The following N4BP2L2 variants were observed in gnomAD, a reference collection of about 807,000 sequenced individuals.
N4BP2L2 encodes the protein NEDD4-binding protein 2-like 2.
Under a neutral mutation model 56.2 loss-of-function variants are expected in N4BP2L2, and 50 were observed. The ratio of observed to expected loss-of-function variants is 0.89; its 90% CI spans 0.71 to 1.13. N4BP2L2 has a LOEUF of 1.13. Among genes scored for constraint, N4BP2L2 ranks in the 50% most tolerant of loss-of-function variants. N4BP2L2 has a pLI of 0.00. For missense variants in N4BP2L2, 689 were observed against 693.8 expected (o/e 0.99, Z 0.08); for synonymous variants, 203 against 223.6 (o/e 0.91, Z 0.82).
At chr13:32,494,214 C>T (rs2087899475) in intron 6 of N4BP2L2, among the ~76,000 whole-genome samples, 2 of 151,892 alleles carry the variant, frequency 1.3e-5, no homozygotes, top group Admixed American at 6.6e-5. Flanking sequence ...ACCTGGGAGG[C>T]GGAGGTTGCA....
rs567922461 is a variant in N4BP2L2, at chr13:32,433,292, C to T, written c.*22-320G>A. Among the ~76,000 whole-genome samples, 7 of 152,348 alleles carry T rather than the reference C, an allele frequency of 4.6e-5. No individual in the cohort carries two copies. In the South Asian group the frequency reaches 1.2e-3, roughly 27 times the overall value. On this transcript the variant is annotated intron_variant, in intron 9 of 9. Transcript: ENST00000357505. Reference sequence around the variant, plus strand: ...ACATGTTTACTGGGCCAATATGTTCCTCTCCTAAAGAACACAATTTCTATT... The same window carrying T: ...ACATGTTTACTGGGCCAATATGTTCTTCTCCTAAAGAACACAATTTCTATT...
At position 32,537,994 on chromosome 13, in the gene N4BP2L2, C is replaced by A. The variant is rs2056981980; in HGVS notation, c.-1+624G>T. On this transcript the variant is annotated intron_variant, in intron 1 of 5. Transcript: ENST00000267068. Reference sequence around the variant, plus strand: ...CTGCGGTGGGAGGATCGCTTGAACCCGGGGGGGGCGGAGGTTGTGGTGAGC... The same window carrying A: ...CTGCGGTGGGAGGATCGCTTGAACCAGGGGGGGGCGGAGGTTGTGGTGAGC... Among the ~76,000 whole-genome samples, 3 of 136,302 alleles carry A rather than the reference C, an allele frequency of 2.2e-5. No individual in the cohort carries two copies. In the Admixed American group the frequency reaches 2.5e-4, roughly 11 times the overall value. The allele number at this position is 136,302 out of a possible 152,430, so 89.4% of individuals were successfully genotyped here.
At chr13:32,448,733 G>A (rs1307545231) in intron 6 of N4BP2L2, among the ~76,000 whole-genome samples, 1 of 151,694 alleles carries the variant, frequency 6.6e-6, no homozygotes, top group Non-Finnish European at 1.5e-5. Flanking sequence ...ATTAAGGGGG[G>A]GCCAGAAAAA....
intron 6 of N4BP2L2, among the ~76,000 whole-genome samples, chr13:32,471,515 G>A (rs1282984587): frequency 6.6e-6 from 1 of 152,248 alleles, no homozygotes; most frequent in Non-Finnish European, 1.5e-5. Flanking sequence ...CGCACCCGAA[G>A]AAAGACAGAG....
At chr13:32,501,553 G>A (rs28584447) in intron 6 of N4BP2L2, among the ~76,000 whole-genome samples, 8,721 of 151,974 alleles carry the variant, frequency 0.057, 851 homozygotes, top group African/African-American at 0.2. Flanking sequence ...GGTGGCTCAC[G>A]CCTGTAATCC....
chr13:32,460,652 T>C (rs2079870259), intron 6 of N4BP2L2, among the ~76,000 whole-genome samples: 1 of 152,064 alleles, frequency 6.6e-6, no homozygotes, highest in Non-Finnish European at 1.5e-5. Context: ...AAAATGAACA[T>C]ACTACCCAAA....
At chr13:32,504,924 A>G (rs921826011) in intron 6 of N4BP2L2, 1 of 152,252 alleles carries the variant, frequency 6.6e-6, no homozygotes, top group African/African-American at 2.4e-5. Flanking sequence ...AGCAGGTCTG[A>G]AACGTATAAA....
At chr13:32,434,139 C>T (rs1455409549) in intron 9 of N4BP2L2, among the ~76,000 whole-genome samples, 3 of 150,924 alleles carry the variant, frequency 2.0e-5, no homozygotes, top group African/African-American at 7.3e-5. Flanking sequence ...TGCAGTGGTG[C>T]GATCTCAGCT....
exon 2 of N4BP2L2, chr13:32,536,571 C>T: frequency 1.2e-6 from 2 of 1,613,738 alleles, no homozygotes; most frequent in South Asian, 1.1e-5. Context: ...TTTTGTCCTC[C>T]TCTGTCATTT....
At chr13:32,522,957 T>C (rs1363346247) in intron 3 of N4BP2L2, 1 of 152,238 alleles carries the variant, frequency 6.6e-6, no homozygotes, top group Non-Finnish European at 1.5e-5. Context: ...ATATGCCAAG[T>C]AGCTAAAAAT....
chr13:32,482,757 G>A (rs2085035757), intron 6 of N4BP2L2, among the ~76,000 whole-genome samples: 1 of 152,054 alleles, frequency 6.6e-6, no homozygotes, highest in Admixed American at 6.6e-5. Flanking sequence ...GAGAATAACA[G>A]GAAAGATTAC....
intron 6 of N4BP2L2, chr13:32,477,470 C>A (rs1000277887): frequency 5.5e-6 from 1 of 182,746 alleles, no homozygotes; most frequent in Admixed American, 5.6e-5. Flanking sequence ...ATTTCAGGGA[C>A]CAAAGAGGTT....
At chr13:32,436,301 T>C in intron 9 of N4BP2L2, 2 of 820,948 alleles carry the variant, frequency 2.4e-6, no homozygotes, top group African/African-American at 1.8e-5. Flanking sequence ...TACAAACAAA[T>C]AATGTCAAGA....
exon 1 of N4BP2L2, chr13:32,538,721 G>A (rs910644782): frequency 2.1e-5 from 21 of 985,424 alleles, no homozygotes; most frequent in Non-Finnish European, 2.5e-5. Flanking sequence ...CAGCACTAAA[G>A]CCGAGGTCTG....
Position 32,520,517 on chromosome 13 carries a change from GGA to G in N4BP2L2, c.1550+854_1550+855del, listed in dbSNP as rs575334084. On this transcript the variant is annotated intron_variant, in intron 5 of 5. Coordinates refer to ENST00000267068, the Ensembl canonical transcript of N4BP2L2. The stretch of plus-strand genomic sequence containing the variant: ...ACTAAAAATACAAAAAAATTAGCCG[GGA>G]GTGGTGGCCAGCACCTATAGTCCCA... Among the ~76,000 whole-genome samples, 355 of 152,076 alleles carry G rather than the reference GGA, an allele frequency of 2.3e-3. 2 individuals are homozygous for G. The highest frequency in any genetic ancestry group is 8.3e-3 in the African/African-American group (344 of 41,472).
chr13:32,467,511 C>T (rs939340204), intron 6 of N4BP2L2, among the ~76,000 whole-genome samples: 1 of 150,772 alleles, frequency 6.6e-6, no homozygotes, highest in African/African-American at 2.4e-5. Context: ...CTCCTGACCT[C>T]AAGTGATCTG....
chr13:32,511,539 T>C (rs1253634725), exon 6 of N4BP2L2: 1 of 152,208 alleles, frequency 6.6e-6, no homozygotes, highest in African/African-American at 2.4e-5. Context: ...TAGATTTTTA[T>C]AAATCTTTCC....
chr13:32,522,804 G>C (rs1276811195), intron 3 of N4BP2L2: 1 of 152,106 alleles, frequency 6.6e-6, no homozygotes, highest in Non-Finnish European at 1.5e-5. Flanking sequence ...TATTTTATCT[G>C]TATTTTCTCT....
At position 32,434,248 on chromosome 13, in the gene N4BP2L2, C is replaced by CTTTTTTTTTTTTTTTTTTTT. The variant is rs369328452; in HGVS notation, c.*22-1277_*22-1276insAAAAAAAAAAAAAAAAAAAA. Among the ~76,000 whole-genome samples the CTTTTTTTTTTTTTTTTTTTT allele has an allele frequency of 2.7e-5, 3 of 112,038 alleles. 1 individual carries two copies. The highest frequency in any genetic ancestry group is 3.7e-5 in the African/African-American group (1 of 27,046). The allele number at this position is 112,038 out of a possible 152,430, so 73.5% of individuals were successfully genotyped here. ...TGTGCCACCACATTCAGCTAATTTTCTTTTTTTCTTTTTTTTTTTTTTGTA... is the reference window on the plus strand; with the variant it reads ...TGTGCCACCACATTCAGCTAATTTTCTTTTTTTTTTTTTTTTTTTTTTTTTTTCTTTTTTTTTTTTTTGTA... On this transcript the variant is annotated intron_variant, in intron 9 of 9. Coordinates refer to the N4BP2L2 transcript ENST00000357505.
Sources: allele counts gnomAD v4.1 joint callset (sites outside exome capture counted in the v4.1 genomes callset), GRCh38; gene constraint gnomAD v4.1.1; transcripts MANE v1.5; gene names NCBI Gene and HGNC (gene_info 2026-07-23, HGNC 2026-07-21).